STIM1: variants seen among roughly 807,000 people sequenced by gnomAD.
STIM1 encodes stromal interaction molecule 1.
STIM1 carries 25 observed loss-of-function variants against 74.7 expected under a neutral mutation model. The ratio of observed to expected loss-of-function variants is 0.33; its 90% CI spans 0.24 to 0.47. STIM1 has a LOEUF of 0.47. Among genes scored for constraint, STIM1 ranks in the 20% least tolerant of loss-of-function variants. STIM1 has a pLI of 1.00. For missense variants in STIM1, 728 were observed against 920.8 expected (o/e 0.79, Z 2.71); for synonymous variants, 328 against 348.8 (o/e 0.94, Z 0.66).
At chr11:3,971,510 C>T (rs183822296) in intron 2 of STIM1, among the ~76,000 whole-genome samples, 27 of 151,996 alleles carry the variant, frequency 1.8e-4, no homozygotes, top group African/African-American at 6.0e-4. Context: ...GCCTGGGTGA[C>T]AGAGCAAGAC....
In STIM1 at chr11:4,055,536, G is replaced by T; in HGVS notation, c.396G>T (p.Trp132Cys). The T allele has an allele frequency of 6.3e-7, 1 of 1,596,928 alleles. No individual in the cohort carries two copies. The highest frequency in any genetic ancestry group is 1.1e-5 in the South Asian group (1 of 87,700). Residue 132 changes from tryptophan (W) to cysteine (C), a missense_variant, in exon 4 of 13, where the codon TGG becomes TGT. Physicochemically the swap from Trp to Cys is radical, Grantham distance 215 (BLOSUM62 -2). This residue lies in a region of STIM1 where 132 missense variants were observed against 158.2 expected (regional missense o/e 0.83). Transcript: ENST00000526596. Reference sequence around the variant, plus strand: ...TGTCTCTTTTCACAGTATACAATTGGACCGTGGATGAGGTGGTACAGTGGC... The same window carrying T: ...TGTCTCTTTTCACAGTATACAATTGTACCGTGGATGAGGTGGTACAGTGGC... ...KAWKSSEVYN[W>C]TVDEVVQWLI...
At chr11:3,920,118 G>A (rs1300072661) in intron 1 of STIM1, among the ~76,000 whole-genome samples, 1 of 85,676 alleles carries the variant, frequency 1.2e-5, no homozygotes, top group Non-Finnish European at 2.5e-5. Context: ...TTATTATTTT[G>A]AAGTGTACAA....
intron 2 of STIM1, among the ~76,000 whole-genome samples, chr11:3,998,005 G>A (rs998483877): frequency 6.6e-6 from 1 of 152,068 alleles, no homozygotes; most frequent in African/African-American, 2.4e-5. Flanking sequence ...TCCTCTATAG[G>A]TCTTCCTTAC....
At chr11:4,074,469 G>A in intron 6 of STIM1, 33 bp from the exon 7 acceptor site, 1 of 1,612,126 alleles carries the variant, frequency 6.2e-7, no homozygotes, top group Non-Finnish European at 8.5e-7. Flanking sequence ...CCCCTTGCCT[G>A]GCCTCCTCCA....
chr11:3,942,981 G>A (rs1188399426), intron 1 of STIM1, among the ~76,000 whole-genome samples: 2 of 152,160 alleles, frequency 1.3e-5, no homozygotes, highest in African/African-American at 4.8e-5. Context: ...ACTTTGCCTG[G>A]AACAGACACC....
intron 3 of STIM1, among the ~76,000 whole-genome samples, chr11:4,029,283 T>C (rs1399446149): frequency 1.3e-5 from 2 of 152,120 alleles, no homozygotes; most frequent in Non-Finnish European, 2.9e-5. Context: ...CTTTGGACGA[T>C]AGAATTTCTC....
chr11:4,070,745 AG>A (rs1329034343), intron 6 of STIM1, among the ~76,000 whole-genome samples: 1 of 152,234 alleles, frequency 6.6e-6, no homozygotes, highest in East Asian at 1.9e-4. Flanking sequence ...AAACTCTCCT[AG>A]GAGAACACTT....
chr11:4,086,486 T>A lies in STIM1; in HGVS notation c.1577T>A (p.Leu526Gln), dbSNP rs1185027471. ...TTTATTCTCCTTGCAGCCCCTAGCC[T>A]GCAGAGCAGTGTTCGGCAGCGCCTG... Reference protein sequence around the residue: ...QSLWKYPAPSLQSSVRQRLTE... With the variant: ...QSLWKYPAPSQQSSVRQRLTE... Residue 526 changes from leucine (L) to glutamine (Q), a missense_variant, in exon 12 of 13, where the codon CTG becomes CAG. Leu to Gln is a moderately radical substitution (Grantham distance 113). This residue lies in a region of STIM1 where 352 missense variants were observed against 370.1 expected (regional missense o/e 0.95). Transcript: ENST00000526596. 2.5e-6 allele frequency: 4 copies of A among 1,614,074 alleles called. No individual in the cohort carries two copies. Among genetic ancestry groups the A allele is most frequent in the Non-Finnish European group, 3.4e-6 (4 of 1,179,994 alleles).
intron 2 of STIM1, among the ~76,000 whole-genome samples, chr11:3,996,950 G>A (rs935078315): frequency 3.9e-5 from 6 of 152,066 alleles, no homozygotes; most frequent in Non-Finnish European, 7.3e-5. Flanking sequence ...TTTCCTCTGG[G>A]GAAATATTTT....
chr11:3,861,622 G>A (rs552574522), intron 1 of STIM1, among the ~76,000 whole-genome samples: 3 of 152,294 alleles, frequency 2.0e-5, no homozygotes, highest in Non-Finnish European at 2.9e-5. Context: ...GAAAACATCT[G>A]TTGATTTCTA....
At chr11:4,059,849 A>G (rs2094318480) in intron 5 of STIM1, among the ~76,000 whole-genome samples, 1 of 152,212 alleles carries the variant, frequency 6.6e-6, no homozygotes, top group Non-Finnish European at 1.5e-5. Context: ...CCTGAGCAAG[A>G]GTACAAAAGC....
At chr11:3,855,197 C>G (rs1480174930), upstream of STIM1, 6 of 152,488 alleles carry the variant, frequency 3.9e-5, no homozygotes, top group African/African-American at 1.4e-4. Context: ...CGGGCCGAGC[C>G]GGGTCAGGCT....
At chr11:3,991,807 G>A (rs910126632) in intron 2 of STIM1, among the ~76,000 whole-genome samples, 2 of 151,572 alleles carry the variant, frequency 1.3e-5, no homozygotes, top group African/African-American at 2.4e-5. Flanking sequence ...AAAATTAGCC[G>A]GTCATGGTGG....
At chr11:3,959,843 C>A (rs933215042) in intron 1 of STIM1, among the ~76,000 whole-genome samples, 2 of 152,062 alleles carry the variant, frequency 1.3e-5, no homozygotes, top group Non-Finnish European at 2.9e-5. Context: ...ACTATGTATA[C>A]CTTTGTACTG....
At chr11:3,925,835 C>T (rs138504693) in intron 1 of STIM1, among the ~76,000 whole-genome samples, 4 of 151,998 alleles carry the variant, frequency 2.6e-5, no homozygotes, top group Middle Eastern at 3.4e-3. Context: ...ACTGTCTGGC[C>T]CTTTACATGA....
intron 11 of STIM1, among the ~76,000 whole-genome samples, chr11:4,085,140 TC>T (rs1242291853): frequency 6.7e-6 from 1 of 149,474 alleles, no homozygotes; most frequent in African/African-American, 2.5e-5. Context: ...TTCTCCCCCT[TC>T]CCCCCCCTAT....
At chr11:4,039,933 A>G (rs1276323599) in intron 3 of STIM1, among the ~76,000 whole-genome samples, 1 of 151,622 alleles carries the variant, frequency 6.6e-6, no homozygotes, top group Non-Finnish European at 1.5e-5. Flanking sequence ...ACGCCCAGCT[A>G]ATTTTTTGTA....
intron 2 of STIM1, among the ~76,000 whole-genome samples, chr11:4,009,875 C>T (rs927197622): frequency 2.0e-5 from 3 of 152,032 alleles, no homozygotes; most frequent in African/African-American, 4.8e-5. Flanking sequence ...TACAGTGGTA[C>T]GATCACGGCT....
At chr11:3,970,165 A>G (rs1423571753) in intron 2 of STIM1, among the ~76,000 whole-genome samples, 2 of 152,016 alleles carry the variant, frequency 1.3e-5, no homozygotes, top group Non-Finnish European at 2.9e-5. Context: ...TTACCACAAC[A>G]AAAAGCTCAT....
Sources: allele counts gnomAD v4.1 joint callset (sites outside exome capture counted in the v4.1 genomes callset), GRCh38; gene constraint gnomAD v4.1.1; regional missense constraint gnomAD v4.1.1; transcripts MANE v1.5; gene names NCBI Gene and HGNC (gene_info 2026-07-23, HGNC 2026-07-21).